The following ZNF585B variants were observed in gnomAD, a reference collection of about 807,000 sequenced individuals.
The protein encoded by ZNF585B is zinc finger protein 585B.
Under a neutral mutation model 14.0 loss-of-function variants are expected in ZNF585B, and 7 were observed. The observed-to-expected ratio is 0.50, with a 90% CI of 0.28 to 0.94. The LOEUF is 0.94. Among genes scored for constraint, ZNF585B ranks in the 40% least tolerant of loss-of-function variants. ZNF585B has a pLI of 0.09. For synonymous variants in ZNF585B, 290 were observed against 317.3 expected (o/e 0.91, Z 0.91); for missense variants, 750 against 924.4 (o/e 0.81, Z 2.45).
chr19:37,202,174 T>C (rs1972537352), intron 2 of ZNF585B, among the ~76,000 whole-genome samples: 1 of 152,020 alleles, frequency 6.6e-6, no homozygotes, highest in African/African-American at 2.4e-5. Context: ...GCCTAATTTT[T>C]GTATTTTTAA....
In ZNF585B at chr19:37,186,708, G is replaced by C. The variant is rs748779227; in HGVS notation, c.829C>G (p.Gln277Glu). The change falls in exon 5 of 5, where the codon CAG (glutamine) becomes GAG (glutamate). Residue 277 changes from glutamine (Q) to glutamate (E), a missense_variant. Gln to Glu is a conservative substitution (Grantham distance 29). This residue lies in a region of ZNF585B where 517 missense variants were observed against 570.3 expected (regional missense o/e 0.91). Transcript: ENST00000532828. ...ERSYICIECG[Q>E]AFIQKTQLIA... Reference sequence around the variant, plus strand: ...AATTGTGTTTTCTGGATGAAGGCCTGCCCGCATTCAATACAGATGTAGGAT... The same window carrying C: ...AATTGTGTTTTCTGGATGAAGGCCTCCCCGCATTCAATACAGATGTAGGAT... 2 of 1,614,062 alleles carry C rather than the reference G, an allele frequency of 1.2e-6. No homozygotes were observed. Among genetic ancestry groups the C allele is most frequent in the African/African-American group, 2.7e-5 (2 of 74,928 alleles).
rs1972316520 is a variant in ZNF585B at position 37,185,044 on chromosome 19, C to A, written c.*183G>T. 1.8e-5 allele frequency: 10 copies of A among 549,602 alleles called. No individual in the cohort carries two copies. In the South Asian group the frequency reaches 2.9e-4, roughly 16 times the overall value. 34.0% of individuals were successfully genotyped at this position (549,602 alleles called of 1,614,324 possible). Reference sequence around the variant, plus strand: ...ACCCAAGGTTTACTGGGGATGGTGACAATGTAGGAAGGGTCCCTCGCCTCA... The same window carrying A: ...ACCCAAGGTTTACTGGGGATGGTGAAAATGTAGGAAGGGTCCCTCGCCTCA... On this transcript the variant is annotated 3_prime_UTR_variant, in exon 5 of 5. Transcript: ENST00000532828.
At chr19:37,206,935 G>T in intron 2 of ZNF585B, 105 bp downstream of exon 2, 2 of 1,412,650 alleles carry the variant, frequency 1.4e-6, no homozygotes, top group Non-Finnish European at 2.0e-6. Context: ...CTAGAGTCCA[G>T]CTGGTTCCTA....
intron 2 of ZNF585B, chr19:37,199,629 AC>A (rs1161710437): frequency 3.5e-6 from 1 of 286,666 alleles, no homozygotes; most frequent in Non-Finnish European, 7.0e-6. Context: ...AAAGGATAAA[AC>A]AAAAATAGAG....
At position 37,183,894 on chromosome 19, in the gene ZNF585B, G is replaced by A. The variant is rs1456813489; in HGVS notation, c.*1333C>T. The A allele has an allele frequency of 1.3e-5, 2 of 150,894 alleles. No individual in the cohort carries two copies. The highest frequency in any genetic ancestry group is 2.9e-5 in the Non-Finnish European group (2 of 67,824). The allele number at this position is 150,894 out of a possible 1,614,324, so 9.3% of individuals were successfully genotyped here. Reference sequence around the variant, plus strand: ...CAACTTATGAAAGTCAGATCATTAAGGAAAGTAAAATGCTGGGCTTCAACT... The same window carrying A: ...CAACTTATGAAAGTCAGATCATTAAAGAAAGTAAAATGCTGGGCTTCAACT... On this transcript the variant is annotated 3_prime_UTR_variant, in exon 5 of 5. Transcript: ENST00000532828.
intron 2 of ZNF585B, among the ~76,000 whole-genome samples, chr19:37,191,537 G>A (rs1319592443): frequency 1.3e-5 from 2 of 151,704 alleles, no homozygotes; most frequent in Non-Finnish European, 2.9e-5. Flanking sequence ...AGAATCACTT[G>A]AACTTGGGAG....
At chr19:37,187,686 G>GA (rs1174903150) in intron 4 of ZNF585B, among the ~76,000 whole-genome samples, 4 of 151,994 alleles carry the variant, frequency 2.6e-5, no homozygotes, top group Non-Finnish European at 5.9e-5. Flanking sequence ...TTTTTCAAGG[G>GA]ATAATAAGTC....
Position 37,186,806 on chromosome 19 carries a change from C to A in ZNF585B, c.731G>T (p.Cys244Phe), listed in dbSNP as rs746293517. 3 of 1,614,146 alleles carry A rather than the reference C, an allele frequency of 1.9e-6. No individual in the cohort carries two copies. The highest frequency in any genetic ancestry group is 2.2e-5 in the South Asian group (2 of 91,084). Reference sequence around the variant, plus strand: ...TGTGAACGCTTTGCCACAGTCAGTGCATTCATGGTGTCTCTCTCCAGTATG... The same window carrying A: ...TGTGAACGCTTTGCCACAGTCAGTGAATTCATGGTGTCTCTCTCCAGTATG... ...KIHTGERHHE[C>F]TDCGKAFTQK... Residue 244 changes from cysteine (C) to phenylalanine (F), a missense_variant, in exon 5 of 5, where the codon TGC becomes TTC. Physicochemically the swap from Cys to Phe is radical, Grantham distance 205. Transcript: ENST00000532828.
chr19:37,206,466 A>AC lies in ZNF585B; in HGVS notation c.72+573_72+574insG, dbSNP rs1191959682. Among the ~76,000 whole-genome samples the AC allele has an allele frequency of 3.3e-5, 5 of 152,040 alleles. No homozygotes were observed. In the East Asian group the frequency reaches 9.6e-4, roughly 29 times the overall value. On this transcript the variant is annotated intron_variant, in intron 2 of 4. Coordinates refer to ENST00000532828, the MANE Select transcript of ZNF585B (RefSeq NM_152279.4). The stretch of plus-strand genomic sequence containing the variant: ...AACTCTGTTTCAAAAAAAAAAAAAA[A>AC]AATTTTAGGAAACAAACTAGAGTTT...
chr19:37,188,710 C>T (rs1256703038), intron 4 of ZNF585B, among the ~76,000 whole-genome samples: 1 of 151,900 alleles, frequency 6.6e-6, no homozygotes, highest in East Asian at 1.9e-4. Context: ...GGAAGAGAGA[C>T]CCTAACAGTG....
At chr19:37,189,611 T>A in intron 4 of ZNF585B, 50 bp downstream of exon 4, 1 of 1,600,640 alleles carries the variant, frequency 6.2e-7, no homozygotes, top group Non-Finnish European at 8.5e-7. Flanking sequence ...AGCTGAGATT[T>A]CCTCCTGTCT....
intron 2 of ZNF585B, among the ~76,000 whole-genome samples, chr19:37,191,670 C>G (rs1420604427): frequency 6.6e-6 from 1 of 151,028 alleles, no homozygotes; most frequent in Non-Finnish European, 1.5e-5. Flanking sequence ...AGAAATCTAA[C>G]AAAGAATTCC....
At chr19:37,198,894 T>C (rs1972501445) in intron 2 of ZNF585B, 1 of 1,146,226 alleles carries the variant, frequency 8.7e-7, no homozygotes. Flanking sequence ...GTACTAAAGA[T>C]ATTTATAATT....
At position 37,186,983 on chromosome 19, in the gene ZNF585B, G is replaced by C; in HGVS notation, c.554C>G (p.Pro185Arg). ...TTTTCCACATTCATTGCACTTATAG[G>C]GCTTCTCTCTCATATGGGTTTTCTG... ...THQKTHMREKPYKCNECGKSF... is the reference protein window; with the variant it reads ...THQKTHMREKRYKCNECGKSF... The change falls in exon 5 of 5, where the codon CCC (proline) becomes CGC (arginine). Residue 185 changes from proline (P) to arginine (R), a missense_variant. Physicochemically the swap from Pro to Arg is moderately radical, Grantham distance 103. Coordinates refer to ENST00000532828, the MANE Select transcript of ZNF585B (RefSeq NM_152279.4). 1 of 1,613,742 alleles carries C rather than the reference G, an allele frequency of 6.2e-7. No homozygotes were observed. Among genetic ancestry groups the C allele is most frequent in the Non-Finnish European group, 8.5e-7 (1 of 1,179,932 alleles).
Position 37,207,208 on chromosome 19 carries a change from T to A in ZNF585B, c.-97A>T, listed in dbSNP as rs1457781501. 1.8e-5 allele frequency: 28 copies of A among 1,571,402 alleles called. No homozygotes were observed. In the East Asian group the frequency reaches 5.5e-4, roughly 31 times the overall value. On this transcript the variant is annotated 5_prime_UTR_variant, in exon 2 of 5. Coordinates refer to ENST00000532828, the MANE Select transcript of ZNF585B (RefSeq NM_152279.4). ...GCTGCTCCGAAGAGGTGGGCTGGAGTCTGGAGGAAGGTCTGGCCCAGGGAC... is the reference window on the plus strand; with the variant it reads ...GCTGCTCCGAAGAGGTGGGCTGGAGACTGGAGGAAGGTCTGGCCCAGGGAC...
rs199915911 is a variant in ZNF585B, at chr19:37,185,251, A to G, written c.2286T>C (p.Ser762=). The change falls in exon 5 of 5, where the codon AGT becomes AGC. Residue 762 remains serine (S), a synonymous_variant. Transcript: ENST00000532828. ...CTCAAGCGTGGCTGCTCTGATGAAC[A>G]CTGAACACTGATTTCTGAACGAAGC... The part of the protein sequence containing the change: ...GKGFVQKSVF[S]VHQSSHA 6,391 of 1,598,696 alleles carry G rather than the reference A, an allele frequency of 4.0e-3. 86 individuals carry two copies. The highest frequency in any genetic ancestry group is 3.6e-3 in the Non-Finnish European group (4,212 of 1,166,204).
rs1972288403 is a variant in ZNF585B at position 37,183,818 on chromosome 19, A to C, written c.*1409T>G. The C allele has an allele frequency of 1.3e-5, 2 of 152,072 alleles. No homozygotes were observed. Among genetic ancestry groups the C allele is most frequent in the African/African-American group, 4.8e-5 (2 of 41,390 alleles). The allele number at this position is 152,072 out of a possible 1,614,324, so 9.4% of individuals were successfully genotyped here. A position where few individuals can be genotyped will look rare whatever the true frequency, so the allele number is the denominator to read the frequency against. On this transcript the variant is annotated 3_prime_UTR_variant, in exon 5 of 5. Coordinates refer to ENST00000532828, the MANE Select transcript of ZNF585B (RefSeq NM_152279.4). The stretch of plus-strand genomic sequence containing the variant: ...ATGAGTTATCAATTTCATATGATTT[A>C]TGATTTATCTCATATCTCATATAAT...
intron 2 of ZNF585B, among the ~76,000 whole-genome samples, chr19:37,200,744 T>A (rs1281910920): frequency 1.3e-5 from 2 of 151,710 alleles, no homozygotes; most frequent in African/African-American, 4.8e-5. Context: ...ACGATAGATA[T>A]AAAGATTGGG....
chr19:37,189,936 T>A, intron 3 of ZNF585B, 88 bp downstream of exon 3: 12 of 1,583,306 alleles, frequency 7.6e-6, no homozygotes, highest in Non-Finnish European at 1.0e-5. Flanking sequence ...AACCATCACC[T>A]ATCTAAGATG....
Sources: gnomAD v4.1 joint callset for allele counts (sites outside exome capture counted in the v4.1 genomes callset) on GRCh38, gnomAD v4.1.1 for gene constraint, gnomAD v4.1.1 regional missense constraint, MANE v1.5 for transcripts, NCBI Gene and HGNC (gene_info 2026-07-23, HGNC 2026-07-21) for gene names.